Variants in SEC22A observed in about 807,000 individuals in gnomAD.
The protein encoded by SEC22A is SEC22 homolog A, vesicle trafficking protein, also known as vesicle-trafficking protein SEC22a.
In SEC22A, 22 loss-of-function variants were observed where a neutral mutation model predicts 35.3. The observed-to-expected ratio is 0.62, with a 90% CI of 0.45 to 0.89. The LOEUF is 0.89. SEC22A is among the 40% of genes least tolerant of loss of function. The pLI, the probability that SEC22A is intolerant of heterozygous loss-of-function variation, is 0.00. For missense variants in SEC22A, 354 were observed against 362.5 expected (o/e 0.98, Z 0.19); for synonymous variants, 119 against 129.5 (o/e 0.92, Z 0.55).
intron 1 of SEC22A, among the ~76,000 whole-genome samples, chr3:123,204,548 AC>A (rs1936814789): frequency 6.6e-6 from 1 of 152,212 alleles, no homozygotes; most frequent in South Asian, 2.1e-4. Context: ...TGTAGTCATT[AC>A]CCCTACAAGG....
chr3:123,218,370 C>T (rs1317110139), intron 2 of SEC22A, among the ~76,000 whole-genome samples: 1 of 151,956 alleles, frequency 6.6e-6, no homozygotes, highest in Non-Finnish European at 1.5e-5. Flanking sequence ...TGGAGCTAAA[C>T]AATATAAAGG....
intron 4 of SEC22A, among the ~76,000 whole-genome samples, chr3:123,240,185 C>G (rs1937503942): frequency 6.6e-6 from 1 of 152,154 alleles, no homozygotes; most frequent in Non-Finnish European, 1.5e-5. Context: ...CCATGGTCAG[C>G]AAGGCCCAAG....
At chr3:123,235,417 AAC>A (rs1245265001) in intron 4 of SEC22A, among the ~76,000 whole-genome samples, 4 of 150,624 alleles carry the variant, frequency 2.7e-5, no homozygotes, top group African/African-American at 9.8e-5. Flanking sequence ...CTGGACAATT[AAC>A]ACATGAAAAG....
At chr3:123,230,327 A>T (rs1270959107) in intron 4 of SEC22A, among the ~76,000 whole-genome samples, 1 of 152,226 alleles carries the variant, frequency 6.6e-6, no homozygotes, top group East Asian at 1.9e-4. Context: ...ATTACTCCAG[A>T]TGATAATTCA....
intron 5 of SEC22A, among the ~76,000 whole-genome samples, chr3:123,256,088 A>G (rs1285248931): frequency 1.3e-5 from 2 of 152,148 alleles, no homozygotes; most frequent in African/African-American, 4.8e-5. Context: ...AGTATTACCT[A>G]ATAGAAAATC....
intron 5 of SEC22A, among the ~76,000 whole-genome samples, chr3:123,249,889 A>G (rs185085695): frequency 2.7e-4 from 41 of 152,284 alleles, no homozygotes; most frequent in African/African-American, 9.9e-4. Flanking sequence ...ACCAGGGTCC[A>G]TGACCAAATA....
intron 4 of SEC22A, among the ~76,000 whole-genome samples, chr3:123,226,596 T>C (rs1937221666): frequency 6.6e-6 from 1 of 152,238 alleles, no homozygotes; most frequent in Non-Finnish European, 1.5e-5. Flanking sequence ...TAGTTATTAA[T>C]CCCTTGTCAG....
At chr3:123,269,602 C>A (rs1456081128) in intron 6 of SEC22A, among the ~76,000 whole-genome samples, 1 of 150,096 alleles carries the variant, frequency 6.7e-6, no homozygotes. Flanking sequence ...GATTAATACT[C>A]TTCAAGACTG....
intron 4 of SEC22A, among the ~76,000 whole-genome samples, chr3:123,245,586 A>C (rs1415243468): frequency 6.6e-6 from 1 of 152,002 alleles, no homozygotes; most frequent in Non-Finnish European, 1.5e-5. Context: ...GTAATCGTAG[A>C]TAGTCGGGAA....
intron 1 of SEC22A, among the ~76,000 whole-genome samples, chr3:123,204,066 T>C (rs1192439815): frequency 6.6e-6 from 1 of 152,154 alleles, no homozygotes; most frequent in African/African-American, 2.4e-5. Flanking sequence ...AATAAAATAA[T>C]ATGTACCATA....
chr3:123,256,330 T>C (rs1337706402), intron 5 of SEC22A, among the ~76,000 whole-genome samples: 2 of 152,376 alleles, frequency 1.3e-5, no homozygotes, highest in South Asian at 2.1e-4. Flanking sequence ...CTAGCAGCTC[T>C]AGAATAGCAT....
At chr3:123,264,418 C>T (rs1937974357) in intron 6 of SEC22A, among the ~76,000 whole-genome samples, 1 of 152,132 alleles carries the variant, frequency 6.6e-6, no homozygotes, top group Non-Finnish European at 1.5e-5. Context: ...TACATTCCCT[C>T]CAGCAATGTG....
chr3:123,254,095 G>A (rs985752505), intron 5 of SEC22A, among the ~76,000 whole-genome samples: 5 of 151,978 alleles, frequency 3.3e-5, no homozygotes, highest in Non-Finnish European at 7.4e-5. Context: ...ATATTAAAAA[G>A]TAAATATTCC....
chr3:123,267,503 C>CT (rs1221692413), intron 6 of SEC22A, among the ~76,000 whole-genome samples: 1 of 152,096 alleles, frequency 6.6e-6, no homozygotes, highest in Non-Finnish European at 1.5e-5. Flanking sequence ...TTGCCCTCCC[C>CT]TATTTATAAT....
At chr3:123,223,429 T>C in intron 2 of SEC22A, 130 bp from the exon 3 acceptor site, 1 of 678,276 alleles carries the variant, frequency 1.5e-6, no homozygotes, top group Non-Finnish European at 2.4e-6. Flanking sequence ...TTTCCTAGAA[T>C]ATATAATAAA....
intron 2 of SEC22A, among the ~76,000 whole-genome samples, chr3:123,217,772 A>G (rs573065140): frequency 3.9e-5 from 6 of 152,316 alleles, no homozygotes; most frequent in Admixed American, 3.3e-4. Context: ...AGCATGCTAC[A>G]TTTTATGTAT....
At chr3:123,230,548 A>G (rs781321208) in intron 4 of SEC22A, among the ~76,000 whole-genome samples, 5 of 152,146 alleles carry the variant, frequency 3.3e-5, no homozygotes, top group Admixed American at 2.0e-4. Flanking sequence ...ATAGAGCTAT[A>G]TAGGAGTAAT....
chr3:123,209,992 A>T (rs1936913069), intron 2 of SEC22A, among the ~76,000 whole-genome samples: 1 of 152,206 alleles, frequency 6.6e-6, no homozygotes, highest in South Asian at 2.1e-4. Context: ...ACAGAAAGAA[A>T]ACCAGTGATC....
chr3:123,249,357 C>T (rs1007263003), intron 5 of SEC22A, among the ~76,000 whole-genome samples: 4 of 152,060 alleles, frequency 2.6e-5, no homozygotes, highest in African/African-American at 9.7e-5. Context: ...GGGAGTAGGA[C>T]TTAAAGTTAT....
Sources: allele counts gnomAD v4.1 joint callset (sites outside exome capture counted in the v4.1 genomes callset), GRCh38; gene constraint gnomAD v4.1.1; transcripts MANE v1.5; gene names NCBI Gene and HGNC (gene_info 2026-07-23, HGNC 2026-07-21).